Variants in TIA1 observed in about 807,000 individuals in gnomAD.
TIA1 encodes the protein TIA1 cytotoxic granule associated RNA binding protein.
A neutral mutation model predicts 65.9 loss-of-function variants in TIA1; 23 were observed. The ratio of observed to expected loss-of-function variants is 0.35; its 90% CI spans 0.25 to 0.49. The LOEUF (loss-of-function observed/expected upper bound fraction) is 0.49. Among genes scored for constraint, TIA1 ranks in the 20% least tolerant of loss-of-function variants. The pLI, the probability that TIA1 is intolerant of heterozygous loss-of-function variation, is 0.98. For missense variants in TIA1, 371 were observed against 477.9 expected (o/e 0.78, Z 2.09); for synonymous variants, 147 against 149.4 (o/e 0.98, Z 0.12).
intron 6 of TIA1, chr2:70,225,110 G>C: frequency 1.0e-6 from 1 of 1,003,050 alleles, no homozygotes. Context: ...AATTTTTTCA[G>C]ATCAATTTAT....
chr2:70,232,208 C>CAA lies in TIA1; in HGVS notation c.124-1356_124-1355dup, dbSNP rs11427986. ...TGGGCGACAGAGCGAGACTCTGTCT[C>CAA]AAAAAAAAAAAAAAAAAGAAAAAAG... On this transcript the variant is annotated intron_variant, in intron 2 of 12. Transcript: ENST00000433529. Among the ~76,000 whole-genome samples the CAA allele has an allele frequency of 1.9e-3, 123 of 63,770 alleles. 1 individual carries two copies. The South Asian group carries it at 0.033, about 17-fold the overall frequency. The allele number at this position is 63,770 out of a possible 152,430, so 41.8% of individuals were successfully genotyped here. A position where few individuals can be genotyped will look rare whatever the true frequency, so the allele number is the denominator to read the frequency against.
chr2:70,235,945 A>G, intron 2 of TIA1, 134 bp downstream of exon 2: 1 of 492,918 alleles, frequency 2.0e-6, no homozygotes, highest in Non-Finnish European at 3.5e-6. Context: ...AACTAAGACT[A>G]TATTTAGACT....
At chr2:70,248,691 G>A (rs1695638207), upstream of TIA1, 1 of 562,384 alleles carries the variant, frequency 1.8e-6, no homozygotes, top group Admixed American at 3.1e-5. Context: ...GAATAATCTT[G>A]CACTCTCAAC....
intron 1 of TIA1, among the ~76,000 whole-genome samples, chr2:70,238,831 A>T (rs913773702): frequency 6.6e-6 from 1 of 152,164 alleles, no homozygotes; most frequent in Admixed American, 6.5e-5. Context: ...TGGAAAGATC[A>T]CTTTAGCCAA....
intron 1 of TIA1, among the ~76,000 whole-genome samples, chr2:70,241,409 T>C (rs1014608988): frequency 2.6e-5 from 4 of 151,520 alleles, no homozygotes; most frequent in Non-Finnish European, 5.9e-5. Context: ...GCCACTGTAC[T>C]CCAGCCTGGC....
At chr2:70,215,607 G>T in intron 10 of TIA1, 113 bp from the exon 11 acceptor site, 4 of 951,114 alleles carry the variant, frequency 4.2e-6, no homozygotes, top group Non-Finnish European at 1.5e-6. Context: ...GCGTAACATG[G>T]CATATTTTCT....
intron 2 of TIA1, among the ~76,000 whole-genome samples, chr2:70,234,091 A>C (rs1164627447): frequency 2.0e-5 from 3 of 152,242 alleles, no homozygotes; most frequent in Non-Finnish European, 4.4e-5. Context: ...TTCCCCAGGG[A>C]AACATATGAC....
chr2:70,225,194 C>T (rs1683285271), intron 6 of TIA1: 2 of 1,056,876 alleles, frequency 1.9e-6, no homozygotes, highest in Non-Finnish European at 2.3e-6. Flanking sequence ...AAATACTAGA[C>T]ACACACAAGT....
At chr2:70,213,345 CTT>C (rs746531756) in intron 12 of TIA1, among the ~76,000 whole-genome samples, 48 of 137,150 alleles carry the variant, frequency 3.5e-4, no homozygotes, top group Non-Finnish European at 3.5e-4. Flanking sequence ...CTTTTCTTTT[CTT>C]TTTTTTTTTT....
intron 1 of TIA1, among the ~76,000 whole-genome samples, chr2:70,240,823 T>C (rs1324047333): frequency 1.3e-5 from 2 of 151,850 alleles, no homozygotes; most frequent in Non-Finnish European, 2.9e-5. Flanking sequence ...AGTGAGCTCA[T>C]ATTACACCAC....
chr2:70,246,881 G>A (rs903253637), intron 1 of TIA1, among the ~76,000 whole-genome samples: 3 of 152,108 alleles, frequency 2.0e-5, no homozygotes, highest in Non-Finnish European at 4.4e-5. Context: ...GTGACAAAGT[G>A]AGACTCCATC....
At chr2:70,218,351 G>A (rs190223199) in intron 7 of TIA1, among the ~76,000 whole-genome samples, 1 of 152,312 alleles carries the variant, frequency 6.6e-6, no homozygotes, top group Admixed American at 6.5e-5. Context: ...AGTTTCAGTG[G>A]AATCCAGCGA....
At chr2:70,231,312 A>T (rs1361702827) in intron 2 of TIA1, among the ~76,000 whole-genome samples, 1 of 152,044 alleles carries the variant, frequency 6.6e-6, no homozygotes, top group African/African-American at 2.4e-5. Flanking sequence ...AAAAACAAAC[A>T]AACAAAAAAG....
chr2:70,246,555 G>A (rs1042996184), intron 1 of TIA1, among the ~76,000 whole-genome samples: 4 of 152,086 alleles, frequency 2.6e-5, no homozygotes, highest in Non-Finnish European at 5.9e-5. Flanking sequence ...ATTAGTGAGG[G>A]ATACAAGGCA....
intron 7 of TIA1, among the ~76,000 whole-genome samples, chr2:70,223,772 T>C (rs931165086): frequency 5.9e-5 from 9 of 151,618 alleles, no homozygotes; most frequent in African/African-American, 1.9e-4. Flanking sequence ...AAAAAATATA[T>C]ATATTTTGTA....
chr2:70,238,263 T>TG (rs1457884327), intron 1 of TIA1, among the ~76,000 whole-genome samples: 60 of 123,040 alleles, frequency 4.9e-4, no homozygotes, highest in African/African-American at 1.9e-3. Context: ...CCCCCAAGTT[T>TG]TTTTTTTTTT....
Position 70,211,261 on chromosome 2 carries a change from T to C in TIA1, c.*1458A>G, listed in dbSNP as rs936607375. On this transcript the variant is annotated 3_prime_UTR_variant, in exon 13 of 13. Transcript: ENST00000433529. ...TGAAATATACTAGAAATTTCAAAAC[T>C]AGAACAATGCCATCAAAGATTAAAC... 2 of 152,076 alleles carry C rather than the reference T, an allele frequency of 1.3e-5. No individual in the cohort carries two copies. The highest frequency in any genetic ancestry group is 2.9e-5 in the Non-Finnish European group (2 of 68,030). 9.4% of individuals were successfully genotyped at this position (152,076 alleles called of 1,614,324 possible). A position where few individuals can be genotyped will look rare whatever the true frequency, so the allele number is the denominator to read the frequency against.
At chr2:70,243,059 A>T (rs1692628431) in intron 1 of TIA1, among the ~76,000 whole-genome samples, 1 of 152,210 alleles carries the variant, frequency 6.6e-6, no homozygotes, top group African/African-American at 2.4e-5. Context: ...AACATTTGCA[A>T]TTTGCTAGAA....
At chr2:70,219,738 CTTTT>C (rs1165514822) in intron 7 of TIA1, among the ~76,000 whole-genome samples, 1 of 105,884 alleles carries the variant, frequency 9.4e-6, no homozygotes. Flanking sequence ...GGTCGCCAGG[CTTTT>C]TTTTTTTTTT....
Sources: gnomAD v4.1 joint callset for allele counts (sites outside exome capture counted in the v4.1 genomes callset) on GRCh38, gnomAD v4.1.1 for gene constraint, MANE v1.5 for transcripts, NCBI Gene and HGNC (gene_info 2026-07-23, HGNC 2026-07-21) for gene names.